AREL1: variants seen among roughly 807,000 people sequenced by gnomAD.
AREL1 encodes apoptosis resistant E3 ubiquitin protein ligase 1.
AREL1 carries 62 observed loss-of-function variants against 99.0 expected under a neutral mutation model. The ratio of observed to expected loss-of-function variants is 0.63; its 90% CI spans 0.51 to 0.77. AREL1 has a LOEUF of 0.77. Ranked by LOEUF, AREL1 falls within the 30% of genes least tolerant of loss-of-function variation. The pLI is 0.00. For missense variants in AREL1, 879 were observed against 1,027.6 expected, an observed-to-expected ratio of 0.86 and a Z score of 1.98; for synonymous variants, 380 against 376.5, an observed-to-expected ratio of 1.01 and a Z score of -0.11.
chr14:74,666,703 C>T, intron 17 of AREL1, among the ~76,000 whole-genome samples: 1 of 149,116 alleles, frequency 6.7e-6, no homozygotes, highest in African/African-American at 2.5e-5. Context: ...TATTAACATT[C>T]TTTACTACTC....
At chr14:74,705,648 A>G (rs1045622003) in intron 1 of AREL1, among the ~76,000 whole-genome samples, 1 of 152,046 alleles carries the variant, frequency 6.6e-6, no homozygotes, top group African/African-American at 2.4e-5. Flanking sequence ...TGAGACTGGA[A>G]AATGTTGTCC....
intron 5 of AREL1, among the ~76,000 whole-genome samples, chr14:74,678,695 C>CAAAA (rs71119311): frequency 1.0e-4 from 10 of 95,418 alleles, no homozygotes; most frequent in East Asian, 2.9e-4. Context: ...CATGTATAAG[C>CAAAA]AAAAAAAAAA....
intron 5 of AREL1, among the ~76,000 whole-genome samples, chr14:74,682,470 A>T (rs1359317438): frequency 1.3e-5 from 2 of 152,262 alleles, no homozygotes; most frequent in Non-Finnish European, 2.9e-5. Context: ...AGTAGAAACA[A>T]TTCGACCACC....
At chr14:74,679,113 C>T (rs372713200) in intron 5 of AREL1, among the ~76,000 whole-genome samples, 73 of 152,216 alleles carry the variant, frequency 4.8e-4, no homozygotes, top group African/African-American at 1.7e-3. Flanking sequence ...TTGCCCAGGC[C>T]GGTCTTGAAC....
At chr14:74,702,979 AG>A (rs1353140951) in intron 1 of AREL1, among the ~76,000 whole-genome samples, 2 of 152,336 alleles carry the variant, frequency 1.3e-5, no homozygotes, top group East Asian at 3.9e-4. Context: ...ACAAGTCTCC[AG>A]GAAGTTTCAA....
At chr14:74,691,439 G>C (rs2089878412) in intron 2 of AREL1, among the ~76,000 whole-genome samples, 1 of 151,844 alleles carries the variant, frequency 6.6e-6, no homozygotes, top group Non-Finnish European at 1.5e-5. Flanking sequence ...AGTATTTGGG[G>C]AAAAAAAGAT....
intron 1 of AREL1, among the ~76,000 whole-genome samples, chr14:74,704,746 A>T (rs1241563744): frequency 6.6e-6 from 1 of 152,162 alleles, no homozygotes; most frequent in African/African-American, 2.4e-5. Flanking sequence ...TAAAGAGTAC[A>T]AGTTTCTAAC....
At chr14:74,680,922 C>T (rs1311325200) in intron 5 of AREL1, among the ~76,000 whole-genome samples, 1 of 152,202 alleles carries the variant, frequency 6.6e-6, no homozygotes, top group Non-Finnish European at 1.5e-5. Flanking sequence ...GTGGCTCATG[C>T]CTGTAATCCC....
rs887844794 is a variant in AREL1, at chr14:74,713,039, A to G, written c.-440T>C. The G allele has an allele frequency of 8.0e-7, 1 of 1,249,988 alleles. No individual in the cohort carries two copies. Among genetic ancestry groups the G allele is most frequent in the African/African-American group, 1.5e-5 (1 of 67,740 alleles). The allele number at this position is 1,249,988 out of a possible 1,614,324, so 77.4% of individuals were successfully genotyped here. A position where few individuals can be genotyped will look rare whatever the true frequency, so the allele number is the denominator to read the frequency against. On this transcript the variant is annotated 5_prime_UTR_variant, in exon 1 of 20. Coordinates refer to ENST00000356357, the MANE Select transcript of AREL1 (RefSeq NM_001039479.2). ...CCCCACTCTCCCACCAACAGACCCCAGAGTTGGTCTCCACCCGGCCTGGGA... is the reference window on the plus strand; with the variant it reads ...CCCCACTCTCCCACCAACAGACCCCGGAGTTGGTCTCCACCCGGCCTGGGA...
At chr14:74,699,469 G>A (rs1429111454) in intron 1 of AREL1, among the ~76,000 whole-genome samples, 2 of 152,004 alleles carry the variant, frequency 1.3e-5, no homozygotes, top group Non-Finnish European at 2.9e-5. Context: ...CCCATCCAGC[G>A]CTGGTTCCCA....
At chr14:74,683,245 A>G in intron 5 of AREL1, 51 bp downstream of exon 5, 1 of 1,284,678 alleles carries the variant, frequency 7.8e-7, no homozygotes, top group African/African-American at 1.5e-5. Context: ...CAGGATGGAA[A>G]GAGAGAGAGG....
intron 4 of AREL1, 86 bp from the exon 5 acceptor site, chr14:74,683,619 G>T: frequency 1.6e-6 from 2 of 1,242,378 alleles, no homozygotes; most frequent in Non-Finnish European, 2.3e-6. Flanking sequence ...AGAGGAAGTA[G>T]CTGGCAGAGA....
intron 2 of AREL1, among the ~76,000 whole-genome samples, chr14:74,690,511 G>A (rs1300465914): frequency 6.6e-6 from 1 of 152,128 alleles, no homozygotes; most frequent in Non-Finnish European, 1.5e-5. Context: ...AGTTCAACAA[G>A]CAGGTATCAA....
Position 74,662,295 on chromosome 14 carries a change from A to C in AREL1, c.*1425T>G. The C allele has an allele frequency of 3.1e-6, 1 of 317,808 alleles. No individual in the cohort carries two copies. Among genetic ancestry groups the C allele is most frequent in the South Asian group, 1.6e-4 (1 of 6,274 alleles). The allele number at this position is 317,808 out of a possible 1,614,324, so 19.7% of individuals were successfully genotyped here. A position where few individuals can be genotyped will look rare whatever the true frequency, so the allele number is the denominator to read the frequency against. On this transcript the variant is annotated 3_prime_UTR_variant, in exon 20 of 20. Coordinates refer to ENST00000356357, the MANE Select transcript of AREL1 (RefSeq NM_001039479.2). Reference sequence around the variant, plus strand: ...CTTCCAGGAGGCCAAGGCATTGCCAAAGTCCTGCCTTGTTTCAGGACTCTG... The same window carrying C: ...CTTCCAGGAGGCCAAGGCATTGCCACAGTCCTGCCTTGTTTCAGGACTCTG...
intron 5 of AREL1, chr14:74,678,459 C>T (rs1420513305): frequency 4.8e-6 from 1 of 209,040 alleles, no homozygotes; most frequent in Non-Finnish European, 9.8e-6. Context: ...GATCGCACCA[C>T]TGCACTCAGC....
At chr14:74,680,825 T>C (rs944372410) in intron 5 of AREL1, among the ~76,000 whole-genome samples, 1 of 152,152 alleles carries the variant, frequency 6.6e-6, no homozygotes, top group African/African-American at 2.4e-5. Context: ...ATTTTTGGCC[T>C]AGGGTGCTGA....
chr14:74,673,961 G>A, intron 9 of AREL1, 73 bp downstream of exon 9: 1 of 1,359,896 alleles, frequency 7.4e-7, no homozygotes, highest in Non-Finnish European at 1.0e-6. Flanking sequence ...GTGCTTCTGA[G>A]AAAAAATAAA....
chr14:74,678,695 CAAAA>C (rs71119311), intron 5 of AREL1, among the ~76,000 whole-genome samples: 11 of 95,372 alleles, frequency 1.2e-4, no homozygotes, highest in African/African-American at 1.6e-4. Flanking sequence ...CATGTATAAG[CAAAA>C]AAAAAAAAAA....
At position 74,685,657 on chromosome 14, in the gene AREL1, G is replaced by A; in HGVS notation, c.-42C>T. On this transcript the variant is annotated 5_prime_UTR_variant, in exon 3 of 20. An upstream open reading frame in the 5' UTR gains an earlier in-frame stop. Transcript: ENST00000356357. ...CAACAGACAGCCGAGGATCACAGCT[G>A]CAGCTGTTAAAAGAAAACTTGTTTA... is the stretch of plus-strand genomic sequence containing the variant. The A allele has an allele frequency of 6.2e-7, 1 of 1,613,510 alleles. No homozygotes were observed. The highest frequency in any genetic ancestry group is 8.5e-7 in the Non-Finnish European group (1 of 1,179,732).
Sources: allele counts gnomAD v4.1 joint callset (sites outside exome capture counted in the v4.1 genomes callset), GRCh38; gene constraint gnomAD v4.1.1; transcripts MANE v1.5; gene names NCBI Gene and HGNC (gene_info 2026-07-23, HGNC 2026-07-21).